The following NRG4 variants were observed in gnomAD, a reference collection of about 807,000 sequenced individuals.
The protein encoded by NRG4 is neuregulin 4.
NRG4 carries 10 observed loss-of-function variants against 15.0 expected under a neutral mutation model. That is an observed-to-expected ratio of 0.67 (90% CI 0.41 to 1.13). NRG4 has a LOEUF of 1.13. Among genes scored for constraint, NRG4 ranks in the 50% most tolerant of loss-of-function variants. The pLI is 0.00. For synonymous variants in NRG4, 41 were observed against 50.1 expected (o/e 0.82, Z 0.77); for missense variants, 139 against 140.2 (o/e 0.99, Z 0.04).
Position 75,955,979 on chromosome 15 carries a change from T to C in NRG4, c.284A>G (p.Gln95Arg), listed in dbSNP as rs2032216172. 1.9e-6 allele frequency: 3 copies of C among 1,611,926 alleles called. No homozygotes were observed. The highest frequency in any genetic ancestry group is 2.2e-5 in the South Asian group (2 of 91,030). ...KGHFQRASSV[Q>R]YDINLVETSS... ...CGTCTCTACCAGGTTGATATCATACTGGACTGAACTGGCTCTCTGAAAGTG... is the reference window on the plus strand; with the variant it reads ...CGTCTCTACCAGGTTGATATCATACCGGACTGAACTGGCTCTCTGAAAGTG... The change falls in exon 5 of 6, where the codon CAG (glutamine) becomes CGG (arginine). Residue 95 changes from glutamine (Q) to arginine (R), a missense_variant. Transcript: ENST00000394907.
intron 5 of NRG4, among the ~76,000 whole-genome samples, chr15:76,026,122 A>G (rs939742893): frequency 6.6e-6 from 1 of 152,240 alleles, no homozygotes; most frequent in Non-Finnish European, 1.5e-5. Context: ...TGCAGAAAAA[A>G]TATTTAATGA....
Position 76,006,569 on chromosome 15 carries a change from C to T in NRG4, c.104+2631G>A, listed in dbSNP as rs75365999. Among the ~76,000 whole-genome samples the T allele has an allele frequency of 4.3e-4, 66 of 152,238 alleles. No individual in the cohort carries two copies. In the East Asian group the frequency reaches 0.012, roughly 28 times the overall value. The stretch of plus-strand genomic sequence containing the variant: ...TTAGCAACTCCAGAATACACATTCA[C>T]GTTGCAAAGAGGGTGCCAAGCCACA... On this transcript the variant is annotated intron_variant, in intron 3 of 5. Transcript: ENST00000394907.
chr15:75,970,831 C>T (rs1201276059), intron 3 of NRG4, among the ~76,000 whole-genome samples: 1 of 152,138 alleles, frequency 6.6e-6, no homozygotes, highest in Non-Finnish European at 1.5e-5. Flanking sequence ...CTCGTAAGTT[C>T]CAGCTGAAAT....
At chr15:75,987,574 G>A (rs2141863537) in intron 3 of NRG4, among the ~76,000 whole-genome samples, 1 of 152,252 alleles carries the variant, frequency 6.6e-6, no homozygotes. Context: ...TCTCTGCCAT[G>A]TAAGTATGCA....
At chr15:76,040,395 A>G (rs1028102245) in intron 4 of NRG4, among the ~76,000 whole-genome samples, 2 of 152,232 alleles carry the variant, frequency 1.3e-5, no homozygotes, top group Non-Finnish European at 2.9e-5. Flanking sequence ...GATTTCATCA[A>G]CATCAGACCT....
chr15:76,029,625 T>G (rs904455238), intron 5 of NRG4, among the ~76,000 whole-genome samples: 1 of 152,166 alleles, frequency 6.6e-6, no homozygotes, highest in East Asian at 1.9e-4. Context: ...AGTATTTCTG[T>G]ACATGGATGA....
intron 3 of NRG4, among the ~76,000 whole-genome samples, chr15:75,966,661 A>G (rs2032808642): frequency 6.6e-6 from 1 of 152,244 alleles, no homozygotes; most frequent in Admixed American, 6.5e-5. Flanking sequence ...GGGCTGGTCT[A>G]TCCTGGAAAG....
At chr15:76,012,598 G>A (rs1021303204), upstream of NRG4, among the ~76,000 whole-genome samples, 1 of 152,060 alleles carries the variant, frequency 6.6e-6, no homozygotes, top group Non-Finnish European at 1.5e-5. Flanking sequence ...CCAAATTACT[G>A]TCCACGTTTT....
intron 4 of NRG4, among the ~76,000 whole-genome samples, chr15:76,037,678 C>A (rs111589190): frequency 0.015 from 2,230 of 152,106 alleles, 63 homozygotes; most frequent in African/African-American, 0.051. Context: ...GTGGACTTAC[C>A]GGTCATGAGA....
chr15:76,043,343 A>G (rs1246279627), intron 4 of NRG4, among the ~76,000 whole-genome samples: 1 of 152,214 alleles, frequency 6.6e-6, no homozygotes, highest in Non-Finnish European at 1.5e-5. Flanking sequence ...CAGATTGGAA[A>G]GGAAGAAATC....
At chr15:76,038,122 T>C (rs1194719372) in intron 4 of NRG4, among the ~76,000 whole-genome samples, 5 of 152,226 alleles carry the variant, frequency 3.3e-5, no homozygotes, top group African/African-American at 7.2e-5. Context: ...TTAGGTAGTA[T>C]GGCATGGGCC....
chr15:75,944,482 G>C (rs936003419), intron 5 of NRG4, among the ~76,000 whole-genome samples: 3 of 152,178 alleles, frequency 2.0e-5, no homozygotes, highest in African/African-American at 2.4e-5. Flanking sequence ...ACATTGGAAA[G>C]ATTGCCCGGG....
chr15:75,994,008 T>C (rs2034122009), intron 3 of NRG4, among the ~76,000 whole-genome samples: 1 of 152,064 alleles, frequency 6.6e-6, no homozygotes, highest in Admixed American at 6.5e-5. Context: ...TCCACTGATT[T>C]TCTTTAGTCT....
chr15:76,034,677 C>G (rs2035558676), intron 5 of NRG4, among the ~76,000 whole-genome samples: 1 of 151,370 alleles, frequency 6.6e-6, no homozygotes, highest in Admixed American at 6.6e-5. Flanking sequence ...TATCTCTTAG[C>G]TGCTGACCTA....
downstream of NRG4, chr15:75,938,295 CAATG>C (rs2030581062): frequency 6.6e-6 from 1 of 151,910 alleles, no homozygotes; most frequent in Non-Finnish European, 1.5e-5. Context: ...AATAAAAAAA[CAATG>C]AACCAGAAAA....
downstream of NRG4, chr15:75,936,562 T>G (rs1178738458): frequency 6.6e-6 from 1 of 152,164 alleles, no homozygotes; most frequent in Non-Finnish European, 1.5e-5. Flanking sequence ...AAGTATCACT[T>G]AATATTTTGG....
At chr15:76,056,185 C>T (rs1026409133) in intron 2 of NRG4, among the ~76,000 whole-genome samples, 2 of 152,164 alleles carry the variant, frequency 1.3e-5, no homozygotes, top group African/African-American at 4.8e-5. Flanking sequence ...CAGTGGCTCA[C>T]GCCTGTAATC....
intron 3 of NRG4, among the ~76,000 whole-genome samples, chr15:75,972,884 G>C (rs1408436750): frequency 1.3e-5 from 2 of 152,132 alleles, no homozygotes; most frequent in Non-Finnish European, 2.9e-5. Context: ...GAAATTTAAA[G>C]TAGGTTTTTC....
chr15:75,970,139 A>T (rs1428314239), intron 3 of NRG4, among the ~76,000 whole-genome samples: 1 of 152,214 alleles, frequency 6.6e-6, no homozygotes, highest in Non-Finnish European at 1.5e-5. Context: ...AAAGCCTTAA[A>T]AATTTCTGGG....
Sources: gnomAD v4.1 joint callset for allele counts (sites outside exome capture counted in the v4.1 genomes callset) on GRCh38, gnomAD v4.1.1 for gene constraint, MANE v1.5 for transcripts, NCBI Gene and HGNC (gene_info 2026-07-23, HGNC 2026-07-21) for gene names.